The following ROBO1 variants were observed in gnomAD, a reference collection of about 807,000 sequenced individuals.
ROBO1 encodes the protein roundabout homolog 1.
ROBO1 carries 149 observed loss-of-function variants against 195.9 expected under a neutral mutation model. The ratio of observed to expected loss-of-function variants is 0.76; its 90% confidence interval spans 0.67 to 0.87. The LOEUF (loss-of-function observed/expected upper bound fraction) is 0.87, where lower values mean the gene tolerates loss of function less well. Ranked by LOEUF, ROBO1 falls within the 40% of genes least tolerant of loss-of-function variation. The pLI is 0.00. For missense variants in ROBO1, 1,933 were observed against 2,068.3 expected, an observed-to-expected ratio of 0.93 and a Z score of 1.27; for synonymous variants, 816 against 733.2, an observed-to-expected ratio of 1.11 and a Z score of -1.82.
chr3:79,721,704 T>C (rs1702709855), intron 1 of ROBO1, among the ~76,000 whole-genome samples: 1 of 152,218 alleles, frequency 6.6e-6, no homozygotes, highest in Admixed American at 6.5e-5. Context: ...TCACCATTAC[T>C]GTTGACCCTA....
chr3:79,448,773 A>C (rs1367744082), intron 2 of ROBO1, among the ~76,000 whole-genome samples: 1 of 152,226 alleles, frequency 6.6e-6, no homozygotes, highest in Non-Finnish European at 1.5e-5. Flanking sequence ...AACAGATTCC[A>C]TAAGTATCAA....
chr3:79,494,362 T>G (rs1324103298), intron 2 of ROBO1, among the ~76,000 whole-genome samples: 1 of 152,130 alleles, frequency 6.6e-6, no homozygotes, highest in Non-Finnish European at 1.5e-5. Flanking sequence ...TACATAAAAA[T>G]AGGTTCTTTA....
intron 2 of ROBO1, among the ~76,000 whole-genome samples, 193 bp from the exon 3 acceptor site, chr3:79,125,732 T>C (rs1370483216): frequency 6.6e-6 from 1 of 152,130 alleles, no homozygotes; most frequent in Non-Finnish European, 1.5e-5. Flanking sequence ...ATCATGGTTT[T>C]TACAGTTTCT....
intron 15 of ROBO1, 23 bp downstream of exon 15, chr3:78,661,970 G>A (rs370406327): frequency 1.6e-5 from 25 of 1,602,036 alleles, no homozygotes; most frequent in Non-Finnish European, 2.1e-5. Flanking sequence ...TTAAAACTGA[G>A]ATCAAATATT....
chr3:79,181,632 T>G (rs1450070160), intron 2 of ROBO1, among the ~76,000 whole-genome samples: 2 of 152,232 alleles, frequency 1.3e-5, no homozygotes, highest in African/African-American at 4.8e-5. Flanking sequence ...ATATGATAAT[T>G]GTAATATTTT....
At chr3:79,483,115 T>C (rs938806120) in intron 2 of ROBO1, among the ~76,000 whole-genome samples, 3 of 152,234 alleles carry the variant, frequency 2.0e-5, no homozygotes, top group African/African-American at 7.2e-5. Context: ...CCACTTTGTT[T>C]GAACCAATAT....
intron 3 of ROBO1, among the ~76,000 whole-genome samples, chr3:79,108,602 C>T (rs1230817454): frequency 2.0e-5 from 3 of 151,560 alleles, no homozygotes; most frequent in African/African-American, 7.3e-5. Context: ...AAGATAGAAA[C>T]AAATACAAGA....
intron 3 of ROBO1, among the ~76,000 whole-genome samples, chr3:78,945,651 G>A (rs951189494): frequency 3.3e-5 from 5 of 152,098 alleles, no homozygotes; most frequent in East Asian, 1.9e-4. Flanking sequence ...CACCAGCAAC[G>A]GAACAAAACT....
At chr3:79,082,409 G>A (rs2079290596) in intron 3 of ROBO1, among the ~76,000 whole-genome samples, 1 of 152,100 alleles carries the variant, frequency 6.6e-6, no homozygotes, top group Admixed American at 6.6e-5. Flanking sequence ...GGGAAGTAAA[G>A]ATGCATTTTT....
At position 78,635,952 on chromosome 3, in the gene ROBO1, T is replaced by C; in HGVS notation, c.3194A>G (p.Asn1065Ser). 6.2e-7 allele frequency: 1 copy of C among 1,613,898 alleles called. No individual in the cohort carries two copies. The highest frequency in any genetic ancestry group is 1.1e-5 in the South Asian group (1 of 91,082). ...SPNLKDGRFVNPSGQPTPYAT... is the reference protein window; with the variant it reads ...SPNLKDGRFVSPSGQPTPYAT... ...GTAAGGAGTAGGCTGCCCTGATGGATTGACAAAACGCCCATCCTTCAGATT... is the reference window on the plus strand; with the variant it reads ...GTAAGGAGTAGGCTGCCCTGATGGACTGACAAAACGCCCATCCTTCAGATT... Residue 1065 changes from asparagine to serine, a missense_variant, in exon 23 of 31, where the codon AAT (asparagine) becomes AGT (serine). Coordinates refer to ENST00000464233, the MANE Select transcript of ROBO1 (RefSeq NM_002941.4).
chr3:78,685,027 G>A (rs112499951), intron 10 of ROBO1, among the ~76,000 whole-genome samples: 53 of 151,906 alleles, frequency 3.5e-4, no homozygotes, highest in Non-Finnish European at 5.4e-4. Flanking sequence ...CACTGTCATG[G>A]CTTTGGTTCT....
chr3:79,492,330 C>A (rs939110584), intron 2 of ROBO1, among the ~76,000 whole-genome samples: 13 of 146,770 alleles, frequency 8.9e-5, no homozygotes, highest in Non-Finnish European at 1.6e-4. Context: ...GAGGCTGAGG[C>A]AGGAGAATCG....
At chr3:78,957,222 T>C (rs1226540328) in intron 3 of ROBO1, among the ~76,000 whole-genome samples, 1 of 151,762 alleles carries the variant, frequency 6.6e-6, no homozygotes, top group Admixed American at 6.6e-5. Flanking sequence ...TCTTTTGCAT[T>C]CATTTATTCA....
At chr3:79,649,003 G>A (rs941675890) in intron 1 of ROBO1, among the ~76,000 whole-genome samples, 4 of 152,050 alleles carry the variant, frequency 2.6e-5, no homozygotes, top group African/African-American at 9.7e-5. Context: ...CATTTTTTAA[G>A]TGTAGCTTGC....
At chr3:79,399,443 T>C (rs1055447844) in intron 2 of ROBO1, among the ~76,000 whole-genome samples, 4 of 152,156 alleles carry the variant, frequency 2.6e-5, no homozygotes, top group African/African-American at 9.7e-5. Context: ...CCTTTGCATT[T>C]ACTGTGCCCA....
rs376847936 is a variant in ROBO1, at chr3:78,652,064, C to CAAGTA, written c.2615-136_2615-135insTACTT. ...TTCCTCTCACACCACTCACCATCAT[C>CAAGTA]AAATAAAATAGTTCATACTGTTTTC... is the stretch of plus-strand genomic sequence containing the variant. On this transcript the variant is annotated intron_variant, in intron 18 of 30. Transcript: ENST00000464233. The CAAGTA allele has an allele frequency of 4.4e-4, 310 of 698,218 alleles. 1 individual carries two copies. The highest frequency in any genetic ancestry group is 3.3e-3 in the African/African-American group (185 of 55,258). The allele number at this position is 698,218 out of a possible 1,614,324, so 43.3% of individuals were successfully genotyped here.
chr3:78,937,968 G>C (rs971859706), intron 4 of ROBO1: 1 of 149,100 alleles, frequency 6.7e-6, no homozygotes, highest in African/African-American at 2.5e-5. Context: ...CTCATATGTA[G>C]CTATGGATAA....
At chr3:79,222,725 A>G (rs2082162052) in intron 2 of ROBO1, among the ~76,000 whole-genome samples, 6 of 152,110 alleles carry the variant, frequency 3.9e-5, no homozygotes, top group Admixed American at 3.9e-4. Context: ...TCTAAATACA[A>G]TATGATTCCA....
intron 21 of ROBO1, among the ~76,000 whole-genome samples, chr3:78,643,981 A>G (rs2107582395): frequency 6.6e-6 from 1 of 152,204 alleles, no homozygotes; most frequent in East Asian, 1.9e-4. Flanking sequence ...GTCATTAACT[A>G]TGTGAGGTAG....
Sources: allele counts gnomAD v4.1 joint callset (sites outside exome capture counted in the v4.1 genomes callset), GRCh38; gene constraint gnomAD v4.1.1; transcripts MANE v1.5; gene names NCBI Gene and HGNC (gene_info 2026-07-23, HGNC 2026-07-21).